BRME1: variants seen among roughly 807,000 people sequenced by gnomAD.
The protein encoded by BRME1 is break repair meiotic recombinase recruitment factor 1, also known as BRCA2 and MEILB2-associating protein 1.
Under a neutral mutation model 52.6 loss-of-function variants are expected in BRME1, and 31 were observed. That is an observed-to-expected ratio of 0.59 (90% CI 0.44 to 0.80). The LOEUF is 0.80. Among genes scored for constraint, BRME1 ranks in the 30% least tolerant of loss-of-function variants. BRME1 has a pLI of 0.00. For missense variants in BRME1, 804 were observed against 860.3 expected (o/e 0.93, Z 0.82); for synonymous variants, 359 against 353.6 (o/e 1.02, Z -0.17).
intron 2 of BRME1, among the ~76,000 whole-genome samples, chr19:13,895,958 A>T (rs1969858211): frequency 6.6e-6 from 1 of 152,178 alleles, no homozygotes; most frequent in African/African-American, 2.4e-5. Context: ...GGCATTTAAG[A>T]GGCTAAAGAT....
At chr19:13,905,453 A>G (rs1388062858) in intron 1 of BRME1, among the ~76,000 whole-genome samples, 3 of 150,870 alleles carry the variant, frequency 2.0e-5, no homozygotes, top group African/African-American at 7.4e-5. Flanking sequence ...GGTTGCAGTG[A>G]GCCGAGATCG....
chr19:13,891,508 T>A (rs1419502419), intron 5 of BRME1, among the ~76,000 whole-genome samples: 1 of 150,220 alleles, frequency 6.7e-6, no homozygotes, highest in Non-Finnish European at 1.5e-5. Flanking sequence ...CACTCTTTCG[T>A]CCAGGCTGGA....
chr19:13,905,159 A>G (rs554020307), intron 1 of BRME1, among the ~76,000 whole-genome samples: 1 of 152,130 alleles, frequency 6.6e-6, no homozygotes, highest in Non-Finnish European at 1.5e-5. Flanking sequence ...TGAAAGACAA[A>G]TGGGCCCTGG....
At chr19:13,896,247 T>C (rs1281015221) in intron 2 of BRME1, among the ~76,000 whole-genome samples, 1 of 151,298 alleles carries the variant, frequency 6.6e-6, no homozygotes, top group Non-Finnish European at 1.5e-5. Flanking sequence ...TCCAGCCTGG[T>C]TGACAGAGCG....
chr19:13,886,092 TGG>T (rs758013268), intron 6 of BRME1, 37 bp from the exon 7 acceptor site: 2 of 1,587,664 alleles, frequency 1.3e-6, no homozygotes, highest in Admixed American at 1.7e-5. Flanking sequence ...GGTCGAGGCC[TGG>T]GTCGGGCAAG....
intron 6 of BRME1, among the ~76,000 whole-genome samples, chr19:13,887,157 G>T (rs530783090): frequency 4.9e-4 from 74 of 152,222 alleles, no homozygotes; most frequent in Non-Finnish European, 8.8e-4. Flanking sequence ...TGGCCACAGT[G>T]AGGTCAGGAG....
At position 13,888,957 on chromosome 19, in the gene BRME1, C is replaced by T. The variant is rs546276502; in HGVS notation, c.1668+231G>A. On this transcript the variant is annotated intron_variant, in intron 6 of 8. Coordinates refer to ENST00000586783, the MANE Select transcript of BRME1 (RefSeq NM_001345843.2). The surrounding 1 kb of genome is among the most constrained non-coding windows in gnomAD (Gnocchi z 4.1). ...CGGCTGAGAAAGCAGCTGTGTGTCA[C>T]CATCCCTAGATATGTCGACAACCAC... Among the ~76,000 whole-genome samples the T allele has an allele frequency of 2.0e-5, 3 of 152,286 alleles. No individual in the cohort carries two copies. Among genetic ancestry groups the T allele is most frequent in the African/African-American group, 7.2e-5 (3 of 41,552 alleles).
rs1968722363 is a variant in BRME1, at chr19:13,882,795, A to G, written c.*7T>C. Reference sequence around the variant, plus strand: ...GGTGGCAAAGGAAACACAGACCTCAAAGTGGCCTACAACTCCCTCCAGGGT... The same window carrying G: ...GGTGGCAAAGGAAACACAGACCTCAGAGTGGCCTACAACTCCCTCCAGGGT... On this transcript the variant is annotated 3_prime_UTR_variant, in exon 9 of 9. Coordinates refer to ENST00000586783, the MANE Select transcript of BRME1 (RefSeq NM_001345843.2). 1 of 1,613,518 alleles carries G rather than the reference A, an allele frequency of 6.2e-7. No homozygotes were observed. The highest frequency in any genetic ancestry group is 2.2e-5 in the East Asian group (1 of 44,872).
chr19:13,900,692 T>TC (rs1174148781), intron 2 of BRME1, among the ~76,000 whole-genome samples: 1 of 151,984 alleles, frequency 6.6e-6, no homozygotes, highest in Non-Finnish European at 1.5e-5. Context: ...CTTGGTTTGT[T>TC]CCTTTTTTTT....
chr19:13,896,958 A>C (rs1183489884), intron 2 of BRME1, among the ~76,000 whole-genome samples: 1 of 152,008 alleles, frequency 6.6e-6, no homozygotes, highest in African/African-American at 2.4e-5. Context: ...TCGGCCTCCC[A>C]AAGTGCTGGA....
At chr19:13,892,410 AC>A (rs1413390682) in intron 5 of BRME1, among the ~76,000 whole-genome samples, 2 of 151,792 alleles carry the variant, frequency 1.3e-5, no homozygotes, top group African/African-American at 4.8e-5. Flanking sequence ...ACATGGTAAA[AC>A]CCCGTCTCTA....
chr19:13,886,105 C>A, intron 6 of BRME1, 50 bp from the exon 7 acceptor site: 1 of 1,518,000 alleles, frequency 6.6e-7, no homozygotes, highest in Non-Finnish European at 9.1e-7. Context: ...GTCGGGCAAG[C>A]TCTGCACAGG....
Position 13,883,431 on chromosome 19 carries a change from C to T in BRME1, c.1764-31G>A. 9 of 1,480,632 alleles carry T rather than the reference C, an allele frequency of 6.1e-6. No individual in the cohort carries two copies. The highest frequency in any genetic ancestry group is 8.2e-6 in the Non-Finnish European group (9 of 1,097,488). The allele number at this position is 1,480,632 out of a possible 1,614,324, so 91.7% of individuals were successfully genotyped here. A position where few individuals can be genotyped will look rare whatever the true frequency, so the allele number is the denominator to read the frequency against. ...CAGCAGGGAAGGAAATTGAGAGTGG[C>T]CCGACCTCACTGGACTACCAGAGCT... On this transcript the variant is annotated intron_variant, in intron 7 of 8. Transcript: ENST00000586783. This position sits in a 1 kb window ranked among gnomAD's most constrained non-coding sequence, Gnocchi z 4.2.
At chr19:13,890,502 A>G in intron 5 of BRME1, 40 bp from the exon 6 acceptor site, 1 of 1,434,336 alleles carries the variant, frequency 7.0e-7, no homozygotes, top group Non-Finnish European at 9.1e-7. Context: ...GCCTTTGATA[A>G]CCAAGTTCTC....
chr19:13,894,262 C>G (rs1159872572), intron 3 of BRME1, among the ~76,000 whole-genome samples: 1 of 152,138 alleles, frequency 6.6e-6, no homozygotes, highest in Non-Finnish European at 1.5e-5. Flanking sequence ...TGGTGGCTCA[C>G]GCCTGTAATC....
chr19:13,882,760 A>G lies in BRME1; in HGVS notation c.*42T>C, dbSNP rs1343980749. 4 of 1,611,222 alleles carry G rather than the reference A, an allele frequency of 2.5e-6. No homozygotes were observed. The Admixed American group carries it at 6.8e-5, about 27-fold the overall frequency. ...AGCATCTTGGAGGAGGTCTGCGGAC[A>G]TGGGGGCTGGGTGGCAAAGGAAACA... On this transcript the variant is annotated 3_prime_UTR_variant, in exon 9 of 9. Coordinates refer to ENST00000586783, the MANE Select transcript of BRME1 (RefSeq NM_001345843.2).
In BRME1 at chr19:13,889,568, T is replaced by A; in HGVS notation, c.1288A>T (p.Met430Leu). The change falls in exon 6 of 9, where the codon ATG (methionine) becomes TTG (leucine). Residue 430 changes from methionine (M) to leucine (L), a missense_variant. Met to Leu is a conservative substitution (Grantham distance 15). Around this residue, in one of 3 missense-constraint regions of BRME1, gnomAD observed 552 missense variants for 561.1 expected, o/e 0.98. Coordinates refer to ENST00000586783, the MANE Select transcript of BRME1 (RefSeq NM_001345843.2). ...ALAPGSGESM[M>L]GAGDSGHASP... ...GCATGACCGGAATCTCCAGCACCCA[T>A]CATGGACTCTCCGCTCCCAGGTGCC... 6.2e-7 allele frequency: 1 copy of A among 1,613,222 alleles called. No individual in the cohort carries two copies. The highest frequency in any genetic ancestry group is 8.5e-7 in the Non-Finnish European group (1 of 1,179,714).
At chr19:13,903,363 C>A (rs1344662708) in intron 2 of BRME1, among the ~76,000 whole-genome samples, 1 of 151,900 alleles carries the variant, frequency 6.6e-6, no homozygotes, top group East Asian at 1.9e-4. Context: ...ATAATTTCCC[C>A]AGTTATGAAA....
At chr19:13,897,120 C>T (rs138885605) in intron 2 of BRME1, among the ~76,000 whole-genome samples, 3,755 of 150,622 alleles carry the variant, frequency 0.025, 88 homozygotes, top group Non-Finnish European at 0.033. Flanking sequence ...CTCACCGCAA[C>T]CTCTGCCTCC....
Sources: gnomAD v4.1 joint callset for allele counts (sites outside exome capture counted in the v4.1 genomes callset) on GRCh38, gnomAD v4.1.1 for gene constraint, gnomAD v4.1.1 regional missense constraint, Gnocchi (gnomAD v3.1) non-coding constraint, MANE v1.5 for transcripts, NCBI Gene and HGNC (gene_info 2026-07-23, HGNC 2026-07-21) for gene names.